Variants in MOB3B observed in about 807,000 individuals in gnomAD.
The protein encoded by MOB3B is MOB kinase activator 3B.
MOB3B carries 7 observed loss-of-function variants against 18.7 expected under a neutral mutation model. That is an observed-to-expected ratio of 0.37 (90% confidence interval 0.21 to 0.70). The LOEUF is 0.70. Among genes scored for constraint, MOB3B ranks in the 30% least tolerant of loss-of-function variants. The pLI, the probability that MOB3B is intolerant of heterozygous loss-of-function variation, is 0.52. For missense variants in MOB3B, 253 were observed against 281.3 expected, an observed-to-expected ratio of 0.90 and a Z score of 0.72; for synonymous variants, 111 against 99.9, an observed-to-expected ratio of 1.11 and a Z score of -0.66.
chr9:27,388,152 A>G lies in MOB3B; in HGVS notation c.419-28916T>C, dbSNP rs374463142. 2.6e-5 allele frequency among the ~76,000 whole-genome samples: 4 copies of G among 152,366 alleles called. No homozygotes were observed. The South Asian group carries it at 8.3e-4, about 32-fold the overall frequency. On this transcript the variant is annotated intron_variant, in intron 2 of 3. Coordinates refer to ENST00000262244, the MANE Select transcript of MOB3B (RefSeq NM_024761.5). ...ACCCAGTGTTAGGATAAACCTTGGA[A>G]AAACCTTGTTTCCAAAGGAGCTTCC...
At chr9:27,334,855 C>T (rs1026576101) in intron 3 of MOB3B, among the ~76,000 whole-genome samples, 61 of 151,950 alleles carry the variant, frequency 4.0e-4, no homozygotes, top group Admixed American at 3.2e-3. Context: ...TGGAGTCTCG[C>T]TTTGTTCCCC....
At position 27,462,194 on chromosome 9, in the gene MOB3B, T is replaced by C. The variant is rs931467803; in HGVS notation, c.-198-6446A>G. On this transcript the variant is annotated intron_variant, in intron 1 of 3. Coordinates refer to ENST00000262244, the MANE Select transcript of MOB3B (RefSeq NM_024761.5). The stretch of plus-strand genomic sequence containing the variant: ...AATCTTATAAAGATTATAAATCTTA[T>C]AATGACATCCTACTGATTATACTGA... Among the ~76,000 whole-genome samples, 3 of 152,208 alleles carry C rather than the reference T, an allele frequency of 2.0e-5. 1 individual carries two copies. The highest frequency in any genetic ancestry group is 4.4e-5 in the Non-Finnish European group (3 of 68,036).
At chr9:27,491,805 G>A (rs1160420973) in intron 1 of MOB3B, among the ~76,000 whole-genome samples, 2 of 152,124 alleles carry the variant, frequency 1.3e-5, no homozygotes, top group Non-Finnish European at 2.9e-5. Context: ...CCAGGAAGGC[G>A]GAGCTTGCAG....
At chr9:27,348,015 A>G (rs1212750400) in intron 3 of MOB3B, among the ~76,000 whole-genome samples, 1 of 152,220 alleles carries the variant, frequency 6.6e-6, no homozygotes, top group Non-Finnish European at 1.5e-5. Context: ...CTTCTGTAGA[A>G]AGACCAGGTT....
At position 27,489,666 on chromosome 9, in the gene MOB3B, A is replaced by T. The variant is rs141105653; in HGVS notation, c.-198-33918T>A. Among the ~76,000 whole-genome samples the T allele has an allele frequency of 3.0e-3, 447 of 148,230 alleles. 4 individuals carry two copies. Among genetic ancestry groups the T allele is most frequent in the African/African-American group, 0.011 (436 of 40,806 alleles). Reference sequence around the variant, plus strand: ...AGGTAGCTTCCAGGGCACTGGAGCTACAAGTAGAAGCACAAATTTTCCTGG... The same window carrying T: ...AGGTAGCTTCCAGGGCACTGGAGCTTCAAGTAGAAGCACAAATTTTCCTGG... On this transcript the variant is annotated intron_variant, in intron 1 of 3. Transcript: ENST00000262244.
chr9:27,370,566 C>A (rs894483510), intron 2 of MOB3B, among the ~76,000 whole-genome samples: 1 of 150,410 alleles, frequency 6.6e-6, no homozygotes, highest in Non-Finnish European at 1.5e-5. Context: ...GAAGTTATAG[C>A]AAAAACTGCC....
chr9:27,501,314 C>A (rs557259173), intron 1 of MOB3B, among the ~76,000 whole-genome samples: 3 of 152,046 alleles, frequency 2.0e-5, no homozygotes, highest in Non-Finnish European at 2.9e-5. Context: ...ATGTTTATTG[C>A]GGCACTATTC....
At chr9:27,503,548 G>A (rs1473217279) in intron 1 of MOB3B, among the ~76,000 whole-genome samples, 9 of 152,156 alleles carry the variant, frequency 5.9e-5, no homozygotes, top group Non-Finnish European at 1.5e-5. Context: ...GCTCTCCTGC[G>A]CTCCTGTCTC....
At chr9:27,497,468 C>T (rs1278566139) in intron 1 of MOB3B, among the ~76,000 whole-genome samples, 1 of 151,670 alleles carries the variant, frequency 6.6e-6, no homozygotes, top group Non-Finnish European at 1.5e-5. Flanking sequence ...TATAAGAAGA[C>T]AATGAGAATA....
At chr9:27,409,112 T>G (rs1822027193) in intron 2 of MOB3B, among the ~76,000 whole-genome samples, 1 of 152,170 alleles carries the variant, frequency 6.6e-6, no homozygotes. Context: ...GGAACTTAAG[T>G]TAGGTCACAT....
At chr9:27,380,159 C>A (rs887522071) in intron 2 of MOB3B, among the ~76,000 whole-genome samples, 6 of 152,150 alleles carry the variant, frequency 3.9e-5, no homozygotes, top group African/African-American at 1.4e-4. Flanking sequence ...ACTAGCAGTG[C>A]AACTTTAGTG....
At chr9:27,500,849 T>C (rs1325995958) in intron 1 of MOB3B, among the ~76,000 whole-genome samples, 2 of 152,034 alleles carry the variant, frequency 1.3e-5, no homozygotes, top group Non-Finnish European at 2.9e-5. Flanking sequence ...AATCTACCCA[T>C]CTGACAAAGG....
chr9:27,503,691 A>G (rs920777820), intron 1 of MOB3B, among the ~76,000 whole-genome samples: 3 of 152,268 alleles, frequency 2.0e-5, no homozygotes, highest in African/African-American at 7.2e-5. Context: ...GTAATGTGCC[A>G]TCAGATTCCT....
chr9:27,361,224 C>G (rs1821270188), intron 2 of MOB3B, among the ~76,000 whole-genome samples: 1 of 152,120 alleles, frequency 6.6e-6, no homozygotes, highest in South Asian at 2.1e-4. Flanking sequence ...AGCATGAATT[C>G]TGTTGCTAAA....
intron 1 of MOB3B, among the ~76,000 whole-genome samples, chr9:27,494,476 C>G (rs1819868822): frequency 6.6e-6 from 1 of 152,122 alleles, no homozygotes; most frequent in Non-Finnish European, 1.5e-5. Context: ...CTCTTTTGTA[C>G]TCTGTCCCTT....
At chr9:27,469,468 A>C (rs1380757053) in intron 1 of MOB3B, among the ~76,000 whole-genome samples, 4 of 151,904 alleles carry the variant, frequency 2.6e-5, no homozygotes, top group Non-Finnish European at 5.9e-5. Context: ...CACGACATTA[A>C]TTTTCCTCGA....
In MOB3B at chr9:27,421,967, G is replaced by A. The variant is rs553705636; in HGVS notation, c.418+33166C>T. On this transcript the variant is annotated intron_variant, in intron 2 of 3. Coordinates refer to ENST00000262244, the MANE Select transcript of MOB3B (RefSeq NM_024761.5). ...CCTGCCTCTCCTCCCCACTCTCAAT[G>A]CAGATATAAGTTCAATGAGAGTGAG... Among the ~76,000 whole-genome samples, 5 of 152,208 alleles carry A rather than the reference G, an allele frequency of 3.3e-5. No homozygotes were observed. In the East Asian group the frequency reaches 7.7e-4, roughly 24 times the overall value.
rs1263849326 is a variant in MOB3B at position 27,329,954 on chromosome 9, A to C, written c.*633T>G. 1 of 152,276 alleles carries C rather than the reference A, an allele frequency of 6.6e-6. No homozygotes were observed. The highest frequency in any genetic ancestry group is 1.5e-5 in the Non-Finnish European group (1 of 68,068). 9.4% of individuals were successfully genotyped at this position (152,276 alleles called of 1,614,324 possible). A position where few individuals can be genotyped will look rare whatever the true frequency, so the allele number is the denominator to read the frequency against. On this transcript the variant is annotated 3_prime_UTR_variant, in exon 4 of 4. Coordinates refer to ENST00000262244, the MANE Select transcript of MOB3B (RefSeq NM_024761.5). ...GCCACCCCATGGAGTGTCCCTGATA[A>C]AACTATTTATTAGGGAAATGCTATG... is the stretch of plus-strand genomic sequence containing the variant.
chr9:27,373,415 G>T (rs1384961644), intron 2 of MOB3B, among the ~76,000 whole-genome samples: 3 of 152,172 alleles, frequency 2.0e-5, no homozygotes, highest in Non-Finnish European at 4.4e-5. Context: ...TTGCAGATGT[G>T]CTAGATACTA....
Sources: gnomAD v4.1 joint callset for allele counts (sites outside exome capture counted in the v4.1 genomes callset) on GRCh38, gnomAD v4.1.1 for gene constraint, MANE v1.5 for transcripts, NCBI Gene and HGNC (gene_info 2026-07-23, HGNC 2026-07-21) for gene names.